RAB11FIP1: variants seen among roughly 807,000 people sequenced by gnomAD.
RAB11FIP1 encodes the protein RAB11 family interacting protein 1, also known as rab11 family-interacting protein 1.
A neutral mutation model predicts 83.1 loss-of-function variants in RAB11FIP1; 49 were observed. The ratio of observed to expected loss-of-function variants is 0.59; its 90% CI spans 0.47 to 0.75. The LOEUF is 0.75. Ranked by LOEUF, RAB11FIP1 falls within the 30% of genes least tolerant of loss-of-function variation. The probability of loss-of-function intolerance (pLI) is 0.00; values close to 1 mark genes in which losing one functional copy is unlikely to be tolerated. For missense variants in RAB11FIP1, 1,536 were observed against 1,598.7 expected (o/e 0.96, Z 0.67); for synonymous variants, 670 against 656.0 (o/e 1.02, Z -0.33).
intron 5 of RAB11FIP1, 28 bp downstream of exon 5, chr8:37,870,392 G>T (rs1051740215): frequency 2.2e-6 from 3 of 1,348,836 alleles, no homozygotes; most frequent in Non-Finnish European, 3.2e-6. Flanking sequence ...AATCCCTAAC[G>T]AACACACCAG....
chr8:37,893,407 G>A (rs1471966677), intron 1 of RAB11FIP1, among the ~76,000 whole-genome samples: 1 of 152,016 alleles, frequency 6.6e-6, no homozygotes, highest in Non-Finnish European at 1.5e-5. Flanking sequence ...CTGAAAGCAG[G>A]GATCATCCCT....
At chr8:37,873,869 A>G (rs373283755) in intron 3 of RAB11FIP1, among the ~76,000 whole-genome samples, 4 of 143,150 alleles carry the variant, frequency 2.8e-5, no homozygotes, top group African/African-American at 1.2e-4. Context: ...ATGTGTGTGT[A>G]TATGTGTGTG....
Position 37,899,280 on chromosome 8 carries a change from G to A in RAB11FIP1, c.162C>T (p.Thr54=), listed in dbSNP as rs775842249. 260 of 1,608,528 alleles carry A rather than the reference G, an allele frequency of 1.6e-4. 3 individuals carry two copies. The South Asian group carries it at 2.3e-3, about 14-fold the overall frequency. ...VIQVGKEKYA[T]SVSERSLGAP... ...CGCCCAGGCTGCGCTCCGACACGGA[G>A]GTGGCGTACTTCTCCTTGCCCACCT... The change falls in exon 1 of 6, where the codon ACC becomes ACT. Residue 54 remains threonine (T), a synonymous_variant. Transcript: ENST00000330843. The surrounding 1 kb of genome is among the most constrained non-coding windows in gnomAD (Gnocchi z 4.5).
At chr8:37,886,327 T>C (rs997455228) in intron 1 of RAB11FIP1, among the ~76,000 whole-genome samples, 2 of 152,186 alleles carry the variant, frequency 1.3e-5, no homozygotes, top group African/African-American at 4.8e-5. Flanking sequence ...TTCATCACAA[T>C]AATGACTCAC....
intron 1 of RAB11FIP1, among the ~76,000 whole-genome samples, chr8:37,894,749 C>CAT (rs1807029776): frequency 2.8e-5 from 4 of 144,094 alleles, no homozygotes; most frequent in African/African-American, 1.1e-4. Flanking sequence ...TACACACACA[C>CAT]ACATACATAC....
In RAB11FIP1 at chr8:37,871,479, T is replaced by A; in HGVS notation, c.3323A>T (p.His1108Leu). Residue 1108 changes from histidine to leucine, a missense_variant, in exon 4 of 6, where the codon CAC (histidine) becomes CTC (leucine). Coordinates refer to ENST00000330843, the MANE Select transcript of RAB11FIP1 (RefSeq NM_001002814.3). ...AGAATGTGCAGAGCTGGGGAAAGAG[T>A]GTGTGACAGGAAAGATCTCAGAAGG... is the stretch of plus-strand genomic sequence containing the variant. Reference protein sequence around the residue: ...PSPSEIFPVTHSFPSSAHSDT... With the variant: ...PSPSEIFPVTLSFPSSAHSDT... 6.2e-7 allele frequency: 1 copy of A among 1,613,378 alleles called. No individual in the cohort carries two copies. Among genetic ancestry groups the A allele is most frequent in the Non-Finnish European group, 8.5e-7 (1 of 1,179,792 alleles).
intron 3 of RAB11FIP1, among the ~76,000 whole-genome samples, chr8:37,873,755 G>A (rs964949089): frequency 1.3e-5 from 2 of 152,108 alleles, no homozygotes; most frequent in South Asian, 2.1e-4. Flanking sequence ...CACAAGGCCC[G>A]AGCATTTGAT....
At position 37,875,065 on chromosome 8, in the gene RAB11FIP1, T is replaced by A. The variant is rs7815364; in HGVS notation, c.1072A>T (p.Thr358Ser). Residue 358 changes from threonine to serine, a missense_variant, in exon 3 of 6, where the codon ACA becomes TCA. Thr to Ser is a moderately conservative substitution (Grantham distance 58, BLOSUM62 1). Transcript: ENST00000330843. ...CAAGACCCAGCCGCCAGGTTCTCTG[T>A]AGAAGAGAACAAATGCTTCTTTCTG... ...GFRKKHLFSS[T>S]ENLAAGSWKE... 1,317 of 1,614,126 alleles carry A rather than the reference T, an allele frequency of 8.2e-4. 11 individuals are homozygous for A. The African/African-American group carries it at 0.014, about 17-fold the overall frequency.
chr8:37,882,893 T>C (rs1162886509), intron 1 of RAB11FIP1, among the ~76,000 whole-genome samples: 1 of 152,176 alleles, frequency 6.6e-6, no homozygotes. Flanking sequence ...GTCCAATCCC[T>C]GGGTCCTAAA....
chr8:37,899,339 G>A lies in RAB11FIP1; in HGVS notation c.103C>T (p.Pro35Ser). 5.0e-6 allele frequency: 8 copies of A among 1,608,298 alleles called. No homozygotes were observed. The highest frequency in any genetic ancestry group is 5.9e-6 in the Non-Finnish European group (7 of 1,178,108). The change falls in exon 1 of 6, where the codon CCC (proline) becomes TCC (serine). Residue 35 changes from proline to serine, a missense_variant. Pro to Ser is a moderately conservative substitution (Grantham distance 74). Transcript: ENST00000330843. The surrounding 1 kb of genome is among the most constrained non-coding windows in gnomAD (Gnocchi z 4.5). ...GCGTACGCGTCGCTCGTGCCCCCGG[G>A]GCCCTTGGCCCGCAGGCCCCGCGCC... ...LQARGLRAKG[P>S]GGTSDAYAVI...
chr8:37,863,081 A>G lies in RAB11FIP1; in HGVS notation c.3666T>C (p.Tyr1222=). The change falls in exon 6 of 6, where the codon TAT becomes TAC. Residue 1222 remains tyrosine, a synonymous_variant. Transcript: ENST00000330843. ...KYSPSDPAFA[Y]AQLTHDELIQ... ...TCAGCTCATCGTGGGTCAGCTGCGC[A>G]TATGCAAATGCAGGGTCCGAGGGGC... The G allele has an allele frequency of 1.9e-6, 3 of 1,612,718 alleles. No individual in the cohort carries two copies. Among genetic ancestry groups the G allele is most frequent in the Non-Finnish European group, 2.5e-6 (3 of 1,180,008 alleles).
At chr8:37,881,942 A>T (rs1007995141) in intron 1 of RAB11FIP1, among the ~76,000 whole-genome samples, 2 of 152,158 alleles carry the variant, frequency 1.3e-5, no homozygotes, top group African/African-American at 4.8e-5. Context: ...CTCTTCTGAC[A>T]GTCATGTGGT....
At position 37,871,311 on chromosome 8, in the gene RAB11FIP1, TG is replaced by T; in HGVS notation, c.3490del (p.Gln1164SerfsTer16). On this transcript the variant is annotated frameshift_variant, in exon 4 of 6. Transcript: ENST00000330843. LOFTEE classifies it high-confidence loss of function. ...SPSETHPVSA[Q>X]PGAGTGSAKH... ...GGCTGACCCAGTTCCAGCGCCTGGC[TG>T]AGCTGAGACTGGATGTGTCTCCGAG... 6.2e-7 allele frequency: 1 copy of T among 1,612,942 alleles called. No homozygotes were observed. The highest frequency in any genetic ancestry group is 1.1e-5 in the South Asian group (1 of 90,978).
chr8:37,888,790 CTT>C (rs35214439), intron 1 of RAB11FIP1, among the ~76,000 whole-genome samples: 10 of 100,660 alleles, frequency 9.9e-5, no homozygotes, highest in African/African-American at 2.0e-4. Context: ...CGTTCTGCAA[CTT>C]TTTTTTTTTT....
At chr8:37,881,612 G>C (rs568023764) in intron 1 of RAB11FIP1, among the ~76,000 whole-genome samples, 5 of 152,308 alleles carry the variant, frequency 3.3e-5, no homozygotes, top group Admixed American at 6.5e-5. Context: ...GGACCCTTAG[G>C]AGACAAATCT....
intron 1 of RAB11FIP1, among the ~76,000 whole-genome samples, chr8:37,884,793 C>T (rs1019535735): frequency 1.3e-5 from 2 of 151,466 alleles, no homozygotes; most frequent in Non-Finnish European, 2.9e-5. Context: ...AAGTGATCTG[C>T]CTGCCTTAGC....
chr8:37,877,036 T>G, intron 2 of RAB11FIP1, 73 bp downstream of exon 2: 1 of 1,086,178 alleles, frequency 9.2e-7, no homozygotes, highest in Non-Finnish European at 1.4e-6. Flanking sequence ...GAGATTTGTC[T>G]GTTTCTTCTC....
At chr8:37,894,725 T>C (rs567087328) in intron 1 of RAB11FIP1, among the ~76,000 whole-genome samples, 11 of 143,542 alleles carry the variant, frequency 7.7e-5, no homozygotes, top group African/African-American at 2.9e-4. Context: ...TATATATACA[T>C]ATATATATAT....
intron 1 of RAB11FIP1, among the ~76,000 whole-genome samples, chr8:37,891,584 ATT>A (rs1028381805): frequency 1.3e-5 from 2 of 152,224 alleles, no homozygotes; most frequent in African/African-American, 2.4e-5. Flanking sequence ...ATCAGATACT[ATT>A]TATAAAAACC....
Sources: gnomAD v4.1 joint callset for allele counts (sites outside exome capture counted in the v4.1 genomes callset) on GRCh38, gnomAD v4.1.1 for gene constraint, Gnocchi (gnomAD v3.1) non-coding constraint, MANE v1.5 for transcripts, NCBI Gene and HGNC (gene_info 2026-07-23, HGNC 2026-07-21) for gene names.